Variants in ADAMTS20 observed in about 807,000 individuals in gnomAD.
ADAMTS20 encodes ADAM metallopeptidase with thrombospondin type 1 motif 20.
A neutral mutation model predicts 260.1 loss-of-function variants in ADAMTS20; 225 were observed. That is an observed-to-expected ratio of 0.87 (90% CI 0.78 to 0.97). ADAMTS20 has a LOEUF of 0.97. Among genes scored for constraint, ADAMTS20 ranks in the 50% least tolerant of loss-of-function variants. The probability of loss-of-function intolerance (pLI) is 0.00; values close to 1 mark genes in which losing one functional copy is unlikely to be tolerated. For synonymous variants in ADAMTS20, 802 were observed against 769.5 expected (o/e 1.04, Z -0.70); for missense variants, 2,400 against 2,337.7 (o/e 1.03, Z -0.55).
At chr12:43,515,888 T>A (rs1942993571) in intron 3 of ADAMTS20, among the ~76,000 whole-genome samples, 1 of 152,192 alleles carries the variant, frequency 6.6e-6, no homozygotes, top group Admixed American at 6.5e-5. Flanking sequence ...TTATGCTACA[T>A]CCCAGAATTT....
rs1565691608 is a variant in ADAMTS20, at chr12:43,425,573, G to GT, written c.4224dup (p.Gln1409ThrfsTer10). On this transcript the variant is annotated frameshift_variant, in exon 28 of 39. Transcript: ENST00000389420. LOFTEE classifies it high-confidence loss of function. ...GCAGGGCAAGCATGCATATGACACT[G>GT]TATTACGCTAGGTGGCTTGTTTACA... is the stretch of plus-strand genomic sequence containing the variant. 6.2e-7 allele frequency: 1 copy of GT among 1,607,910 alleles called. No individual in the cohort carries two copies. The highest frequency in any genetic ancestry group is 1.7e-5 in the Admixed American group (1 of 59,560).
At chr12:43,531,392 T>C (rs1943218377) in intron 3 of ADAMTS20, among the ~76,000 whole-genome samples, 1 of 152,120 alleles carries the variant, frequency 6.6e-6, no homozygotes, top group Non-Finnish European at 1.5e-5. Flanking sequence ...AATTTTTCTA[T>C]GATTATTTGC....
In ADAMTS20 at chr12:43,443,854, C is replaced by T; in HGVS notation, c.2227G>A (p.Gly743Arg). 6.2e-7 allele frequency: 1 copy of T among 1,613,114 alleles called. No homozygotes were observed. Among genetic ancestry groups the T allele is most frequent in the Middle Eastern group, 1.7e-4 (1 of 6,056 alleles). The change falls in exon 16 of 39, where the codon GGA (glycine) becomes AGA (arginine). Residue 743 changes from glycine (G) to arginine (R), a missense_variant. Physicochemically the swap from Gly to Arg is moderately radical, Grantham distance 125 (BLOSUM62 -2). Coordinates refer to ENST00000389420, the MANE Select transcript of ADAMTS20 (RefSeq NM_025003.5). ...TGACGAATGTCAACGTTTGTTGCTC[C>T]TGCGGGAATCTTTACAACAACATTA... ...GYNVVVKIPA[G>R]ATNVDIRQYS... is the part of the protein sequence containing the mutation.
chr12:43,375,172 CAAAAAAAA>C (rs58169338), intron 36 of ADAMTS20, among the ~76,000 whole-genome samples, 199 bp downstream of exon 36: 1 of 62,312 alleles, frequency 1.6e-5, no homozygotes, highest in Non-Finnish European at 2.8e-5. Flanking sequence ...AACTGCGTCT[CAAAAAAAA>C]AAAAAAAAAA....
chr12:43,428,671 G>A lies in ADAMTS20; in HGVS notation c.3618C>T (p.Thr1206=), dbSNP rs1293084848. ...PRPAEIWDCF[T]PCGEWQAGDW... ...CCCCTGCTTGCCACTCTCCACAAGGGGTAAAACAGTCCCATATTTCAGCAG... is the reference window on the plus strand; with the variant it reads ...CCCCTGCTTGCCACTCTCCACAAGGAGTAAAACAGTCCCATATTTCAGCAG... Residue 1206 remains threonine, a synonymous_variant, in exon 25 of 39, where the codon ACC becomes ACT. Transcript: ENST00000389420. 1 of 1,609,696 alleles carries A rather than the reference G, an allele frequency of 6.2e-7. No individual in the cohort carries two copies. Among genetic ancestry groups the A allele is most frequent in the Non-Finnish European group, 8.5e-7 (1 of 1,177,422 alleles).
At chr12:43,437,198 T>C (rs1941573942) in intron 18 of ADAMTS20, among the ~76,000 whole-genome samples, 1 of 152,094 alleles carries the variant, frequency 6.6e-6, no homozygotes, top group African/African-American at 2.4e-5. Flanking sequence ...ATAGAAGGTA[T>C]TATATTCATA....
chr12:43,535,740 G>A (rs954547678), intron 2 of ADAMTS20, among the ~76,000 whole-genome samples: 1 of 151,926 alleles, frequency 6.6e-6, no homozygotes, highest in South Asian at 2.1e-4. Context: ...GCTTTATTTT[G>A]TATTTTTATT....
intron 3 of ADAMTS20, among the ~76,000 whole-genome samples, chr12:43,516,425 G>C (rs994608056): frequency 1.3e-5 from 2 of 152,158 alleles, no homozygotes; most frequent in Non-Finnish European, 2.9e-5. Context: ...CTCTCTACTA[G>C]AGCCAAAGAT....
intron 14 of ADAMTS20, 105 bp from the exon 15 acceptor site, chr12:43,446,817 T>G: frequency 1.1e-6 from 1 of 885,814 alleles, no homozygotes; most frequent in Non-Finnish European, 1.8e-6. Flanking sequence ...GATTTACCAC[T>G]GACCCCACAG....
chr12:43,471,205 G>C (rs574723074), intron 7 of ADAMTS20, among the ~76,000 whole-genome samples: 62 of 152,198 alleles, frequency 4.1e-4, no homozygotes, highest in East Asian at 1.4e-3. Context: ...TTCCCTTTCC[G>C]AGTCAAAGAA....
Position 43,443,847 on chromosome 12 carries a change from G to A in ADAMTS20, c.2234C>T (p.Thr745Ile). The change falls in exon 16 of 39, where the codon ACA becomes ATA. Residue 745 changes from threonine (T) to isoleucine (I), a missense_variant. Thr to Ile is a moderately conservative substitution (Grantham distance 89). Transcript: ENST00000389420. ...NVVVKIPAGA[T>I]NVDIRQYSYS... ...GCTGTACTGACGAATGTCAACGTTT[G>A]TTGCTCCTGCGGGAATCTTTACAAC... is the stretch of plus-strand genomic sequence containing the variant. 1 of 1,613,274 alleles carries A rather than the reference G, an allele frequency of 6.2e-7. No homozygotes were observed. The highest frequency in any genetic ancestry group is 8.5e-7 in the Non-Finnish European group (1 of 1,179,420).
rs1939700127 is a variant in ADAMTS20 at position 43,354,363 on chromosome 12, G to T, written c.5644-65C>A. 8 of 1,210,122 alleles carry T rather than the reference G, an allele frequency of 6.6e-6. No homozygotes were observed. The South Asian group carries it at 1.1e-4, about 16-fold the overall frequency. The allele number at this position is 1,210,122 out of a possible 1,614,324, so 75.0% of individuals were successfully genotyped here. The stretch of plus-strand genomic sequence containing the variant: ...AGCTGGTATCTGTATGCAAATAGCA[G>T]AAAAAGCAAATGCTTTGAATCATAT... On this transcript the variant is annotated intron_variant, in intron 38 of 38. Coordinates refer to ENST00000389420, the MANE Select transcript of ADAMTS20 (RefSeq NM_025003.5).
chr12:43,527,801 C>A (rs1943163665), intron 3 of ADAMTS20, among the ~76,000 whole-genome samples: 1 of 152,000 alleles, frequency 6.6e-6, no homozygotes, highest in East Asian at 1.9e-4. Context: ...CCACTTTTAC[C>A]ACTTCTACTC....
At chr12:43,529,257 A>T (rs1327868501) in intron 3 of ADAMTS20, among the ~76,000 whole-genome samples, 1 of 152,176 alleles carries the variant, frequency 6.6e-6, no homozygotes, top group Non-Finnish European at 1.5e-5. Flanking sequence ...TCCTTAAAGA[A>T]CTAAAAGTAG....
At chr12:43,415,202 T>C (rs1042469640) in intron 28 of ADAMTS20, among the ~76,000 whole-genome samples, 1 of 152,166 alleles carries the variant, frequency 6.6e-6, no homozygotes, top group African/African-American at 2.4e-5. Flanking sequence ...TTTGGGAAGA[T>C]AGTAACTGCA....
At chr12:43,437,936 T>C (rs1316498755) in intron 18 of ADAMTS20, among the ~76,000 whole-genome samples, 1 of 152,186 alleles carries the variant, frequency 6.6e-6, no homozygotes, top group Non-Finnish European at 1.5e-5. Context: ...TGATAAATTC[T>C]ATAATATGCT....
At chr12:43,445,033 T>A (rs1317522887) in intron 15 of ADAMTS20, among the ~76,000 whole-genome samples, 3 of 152,324 alleles carry the variant, frequency 2.0e-5, no homozygotes, top group African/African-American at 7.2e-5. Flanking sequence ...TATAAAATAT[T>A]CTTACCCACT....
intron 3 of ADAMTS20, among the ~76,000 whole-genome samples, chr12:43,522,983 G>A (rs1004326357): frequency 3.3e-4 from 50 of 152,178 alleles, no homozygotes; most frequent in African/African-American, 1.1e-3. Context: ...CAGAAATACT[G>A]TATCAGAAAA....
chr12:43,423,568 G>C, intron 28 of ADAMTS20: 1 of 593,930 alleles, frequency 1.7e-6, no homozygotes, highest in Non-Finnish European at 3.0e-6. Flanking sequence ...TTCCAAGAAA[G>C]TAATCCACAG....
Sources: allele counts gnomAD v4.1 joint callset (sites outside exome capture counted in the v4.1 genomes callset), GRCh38; gene constraint gnomAD v4.1.1; transcripts MANE v1.5; gene names NCBI Gene and HGNC (gene_info 2026-07-23, HGNC 2026-07-21).